PCDHGB5: variants seen among roughly 807,000 people sequenced by gnomAD.
PCDHGB5 encodes protocadherin gamma subfamily B, 5.
A neutral mutation model predicts 62.9 loss-of-function variants in PCDHGB5; 48 were observed. That is an observed-to-expected ratio of 0.76 (90% CI 0.61 to 0.97). PCDHGB5 has a LOEUF of 0.97. Among genes scored for constraint, PCDHGB5 ranks in the 50% least tolerant of loss-of-function variants. The pLI, the probability that PCDHGB5 is intolerant of heterozygous loss-of-function variation, is 0.00. For synonymous variants in PCDHGB5, 474 were observed against 511.2 expected, an observed-to-expected ratio of 0.93 and a Z score of 0.98; for missense variants, 1,118 against 1,198.6, an observed-to-expected ratio of 0.93 and a Z score of 0.99.
chr5:141,413,548 A>G, intron 1 of PCDHGB5: 1 of 1,613,946 alleles, frequency 6.2e-7, no homozygotes, highest in Non-Finnish European at 8.5e-7. Context: ...TGGGATAGAA[A>G]TAGAAGTAAC....
chr5:141,420,009 A>T, intron 1 of PCDHGB5: 1 of 1,614,088 alleles, frequency 6.2e-7, no homozygotes, highest in Non-Finnish European at 8.5e-7. Context: ...CGCCTGCGAC[A>T]GTCTTTCAGC....
In PCDHGB5 at chr5:141,405,105, A is replaced by T. The variant is rs1239308721; in HGVS notation, c.2397+4581A>T. The T allele has an allele frequency of 5.6e-6, 9 of 1,613,756 alleles. No individual in the cohort carries two copies. In the Admixed American group the frequency reaches 1.5e-4, roughly 27 times the overall value. Reference sequence around the variant, plus strand: ...ACGCTGCTGGCCCTCAGGCTGAGGCACTGGCACTCCTCGCATCTGCTGCGG... The same window carrying T: ...ACGCTGCTGGCCCTCAGGCTGAGGCTCTGGCACTCCTCGCATCTGCTGCGG... On this transcript the variant is annotated intron_variant, in intron 1 of 3. Coordinates refer to ENST00000617380, the MANE Select transcript of PCDHGB5 (RefSeq NM_018925.3).
intron 1 of PCDHGB5, among the ~76,000 whole-genome samples, chr5:141,447,279 A>G (rs1394174534): frequency 1.3e-5 from 2 of 152,156 alleles, no homozygotes; most frequent in African/African-American, 4.8e-5. Flanking sequence ...AGCTGGGACT[A>G]CAGGCACATG....
chr5:141,438,513 A>G (rs2097964808), intron 1 of PCDHGB5, among the ~76,000 whole-genome samples: 1 of 148,768 alleles, frequency 6.7e-6, no homozygotes, highest in Non-Finnish European at 1.5e-5. Context: ...TGCAAAACCA[A>G]TTATTTTACA....
intron 1 of PCDHGB5, among the ~76,000 whole-genome samples, chr5:141,459,971 A>G (rs1458539493): frequency 2.6e-5 from 4 of 152,208 alleles, no homozygotes; most frequent in Non-Finnish European, 5.9e-5. Flanking sequence ...CCAGCTACTC[A>G]GGAGGCTGAG....
At chr5:141,451,535 A>G (rs150174911) in intron 1 of PCDHGB5, among the ~76,000 whole-genome samples, 2 of 152,328 alleles carry the variant, frequency 1.3e-5, no homozygotes, top group Non-Finnish European at 2.9e-5. Flanking sequence ...GGAGAGTGCC[A>G]GAGAGGGCAA....
In PCDHGB5 at chr5:141,408,212, A is replaced by C. The variant is rs1360693546; in HGVS notation, c.2397+7688A>C. ...AGAACCCGAGCGAACGATGGGAGGGAGCTGCGCGCAGAGGCGCCGGGCCGG... is the reference window on the plus strand; with the variant it reads ...AGAACCCGAGCGAACGATGGGAGGGCGCTGCGCGCAGAGGCGCCGGGCCGG... On this transcript the variant is annotated intron_variant, in intron 1 of 3. Coordinates refer to ENST00000617380, the MANE Select transcript of PCDHGB5 (RefSeq NM_018925.3). 1.9e-6 allele frequency: 3 copies of C among 1,554,492 alleles called. No individual in the cohort carries two copies. In the Admixed American group the frequency reaches 5.9e-5, roughly 30 times the overall value.
intron 1 of PCDHGB5, among the ~76,000 whole-genome samples, chr5:141,488,238 C>T (rs374846692): frequency 5.3e-5 from 8 of 152,036 alleles, no homozygotes; most frequent in Non-Finnish European, 1.0e-4. Flanking sequence ...GAACTAGATG[C>T]GGTAAATTGG....
intron 1 of PCDHGB5, chr5:141,433,272 C>G (rs1161817377): frequency 8.0e-7 from 1 of 1,252,412 alleles, no homozygotes; most frequent in Non-Finnish European, 1.1e-6. Flanking sequence ...TAGCTCACTG[C>G]AGCCTCAAAC....
rs2099706000 is a variant in PCDHGB5 at position 141,490,911 on chromosome 5, G to A, written c.2398-3896G>A. 1 of 1,613,722 alleles carries A rather than the reference G, an allele frequency of 6.2e-7. No individual in the cohort carries two copies. Among genetic ancestry groups the A allele is most frequent in the Non-Finnish European group, 8.5e-7 (1 of 1,179,746 alleles). Reference sequence around the variant, plus strand: ...CTCTGCATGTGTTTGTCCTAGACGAGAATGATAATGCCCCAGCTGTGCTGC... The same window carrying A: ...CTCTGCATGTGTTTGTCCTAGACGAAAATGATAATGCCCCAGCTGTGCTGC... On this transcript the variant is annotated intron_variant, in intron 1 of 3. Coordinates refer to ENST00000617380, the MANE Select transcript of PCDHGB5 (RefSeq NM_018925.3). This position sits in a 1 kb window ranked among gnomAD's most constrained non-coding sequence, Gnocchi z 5.4.
intron 1 of PCDHGB5, chr5:141,423,517 T>G (rs750915364): frequency 1.9e-6 from 3 of 1,613,716 alleles, no homozygotes; most frequent in Non-Finnish European, 2.5e-6. Flanking sequence ...CATTGCGGAC[T>G]CGCAGAAGAG....
chr5:141,490,652 C>A lies in PCDHGB5; in HGVS notation c.2398-4155C>A. ...ATCCTAGAAAACCGGCCTCCGGGCT[C>A]CCTTCTTTGCACTGTGGCTGCCTCA... On this transcript the variant is annotated intron_variant, in intron 1 of 3. Transcript: ENST00000617380. The surrounding 1 kb of genome is among the most constrained non-coding windows in gnomAD (Gnocchi z 5.4). 6.2e-7 allele frequency: 1 copy of A among 1,614,208 alleles called. No individual in the cohort carries two copies. Among genetic ancestry groups the A allele is most frequent in the Non-Finnish European group, 8.5e-7 (1 of 1,180,026 alleles).
At position 141,491,672 on chromosome 5, in the gene PCDHGB5, G is replaced by A. The variant is rs754836157; in HGVS notation, c.2398-3135G>A. The A allele has an allele frequency of 9.9e-6, 16 of 1,613,494 alleles. No homozygotes were observed. The South Asian group carries it at 1.4e-4, about 14-fold the overall frequency. On this transcript the variant is annotated intron_variant, in intron 1 of 3. Transcript: ENST00000617380. This position sits in a 1 kb window ranked among gnomAD's most constrained non-coding sequence, Gnocchi z 6.9. ...CTGGAGCCTGACGCCATCCGGTCCCGCTCTAATACGCTGCGGGAGCGGAGC... is the reference window on the plus strand; with the variant it reads ...CTGGAGCCTGACGCCATCCGGTCCCACTCTAATACGCTGCGGGAGCGGAGC...
In PCDHGB5 at chr5:141,432,571, G is replaced by C; in HGVS notation, c.2397+32047G>C. On this transcript the variant is annotated intron_variant, in intron 1 of 3. Transcript: ENST00000617380. The surrounding 1 kb of genome is among the most constrained non-coding windows in gnomAD (Gnocchi z 6.0). ...GAGACTCCGGCCAGAACGCCTGGCT[G>C]TCCTACCGTCTGCTCAAGGCCAGCG... The C allele has an allele frequency of 6.2e-7, 1 of 1,613,954 alleles. No individual in the cohort carries two copies. The highest frequency in any genetic ancestry group is 8.5e-7 in the Non-Finnish European group (1 of 1,179,992).
intron 1 of PCDHGB5, chr5:141,427,909 C>G: frequency 6.3e-7 from 1 of 1,576,922 alleles, no homozygotes; most frequent in Non-Finnish European, 8.7e-7. Context: ...GCGCTCAGCG[C>G]CAACATGAGC....
At position 141,485,685 on chromosome 5, in the gene PCDHGB5, G is replaced by A; in HGVS notation, c.2398-9122G>A. ...GGGAGCAATTCGATTAGCAGCTATA[G>A]GCTGAGCTCCAATGAACACTTTGCA... On this transcript the variant is annotated intron_variant, in intron 1 of 3. Coordinates refer to ENST00000617380, the MANE Select transcript of PCDHGB5 (RefSeq NM_018925.3). This position sits in a 1 kb window ranked among gnomAD's most constrained non-coding sequence, Gnocchi z 5.7. 1.2e-6 allele frequency: 2 copies of A among 1,614,052 alleles called. No homozygotes were observed. The highest frequency in any genetic ancestry group is 1.3e-5 in the African/African-American group (1 of 75,072).
chr5:141,428,267 T>C, intron 1 of PCDHGB5: 1 of 796,264 alleles, frequency 1.3e-6, no homozygotes, highest in Non-Finnish European at 2.1e-6. Context: ...GACAGTCCTG[T>C]GCCCTCTGAT....
At chr5:141,429,801 C>T (rs2097245893) in intron 1 of PCDHGB5, among the ~76,000 whole-genome samples, 1 of 152,104 alleles carries the variant, frequency 6.6e-6, no homozygotes, top group African/African-American at 2.4e-5. Flanking sequence ...CAGTAATTCT[C>T]AGTAATTACA....
At chr5:141,413,364 G>A (rs759265336) in intron 1 of PCDHGB5, 14 of 1,613,870 alleles carry the variant, frequency 8.7e-6, no homozygotes, top group African/African-American at 5.3e-5. Flanking sequence ...CCCGGGAGCT[G>A]GCGGAGCGCG....
Sources: allele counts gnomAD v4.1 joint callset (sites outside exome capture counted in the v4.1 genomes callset), GRCh38; gene constraint gnomAD v4.1.1; non-coding constraint Gnocchi (gnomAD v3.1); transcripts MANE v1.5; gene names NCBI Gene and HGNC (gene_info 2026-07-23, HGNC 2026-07-21).